Variants in THSD7A observed in about 807,000 individuals in gnomAD.
The protein encoded by THSD7A is thrombospondin type-1 domain-containing protein 7A.
THSD7A carries 96 observed loss-of-function variants against 231.3 expected under a neutral mutation model. The ratio of observed to expected loss-of-function variants is 0.41; its 90% CI spans 0.35 to 0.49. The LOEUF is 0.49. THSD7A is among the 20% of genes least tolerant of loss of function. The probability of loss-of-function intolerance (pLI) is 0.05; values close to 1 mark genes in which losing one functional copy is unlikely to be tolerated. For missense variants in THSD7A, 2,290 were observed against 2,070.2 expected, an observed-to-expected ratio of 1.11 and a Z score of -2.06; for synonymous variants, 940 against 743.3, an observed-to-expected ratio of 1.26 and a Z score of -4.30.
At chr7:11,763,625 T>A (rs1376826346) in intron 1 of THSD7A, among the ~76,000 whole-genome samples, 1 of 152,180 alleles carries the variant, frequency 6.6e-6, no homozygotes, top group African/African-American at 2.4e-5. Flanking sequence ...ATAAGACTTC[T>A]TAGTGTTTAT....
chr7:11,478,300 C>G (rs1429534763), intron 7 of THSD7A, among the ~76,000 whole-genome samples: 1 of 152,202 alleles, frequency 6.6e-6, no homozygotes, highest in Non-Finnish European at 1.5e-5. Flanking sequence ...TCTCTCTTGA[C>G]CCAGCTATGC....
At chr7:11,470,031 T>A in intron 8 of THSD7A, 37 bp from the exon 9 acceptor site, 1 of 1,355,544 alleles carries the variant, frequency 7.4e-7, no homozygotes, top group Non-Finnish European at 1.0e-6. Flanking sequence ...GCTTCAATAG[T>A]AAAGCAGAAA....
chr7:11,617,428 T>G (rs141361904), intron 2 of THSD7A, among the ~76,000 whole-genome samples: 1 of 152,346 alleles, frequency 6.6e-6, no homozygotes, highest in Non-Finnish European at 1.5e-5. Context: ...TTTGTATGTA[T>G]GTATGTATGA....
chr7:11,440,862 G>A (rs992634540), intron 13 of THSD7A, among the ~76,000 whole-genome samples: 4 of 152,062 alleles, frequency 2.6e-5, no homozygotes, highest in African/African-American at 9.7e-5. Context: ...AGCAGTAGTA[G>A]GGTTTGAGAG....
At chr7:11,537,345 T>C (rs1788954611) in intron 6 of THSD7A, among the ~76,000 whole-genome samples, 1 of 152,222 alleles carries the variant, frequency 6.6e-6, no homozygotes, top group Non-Finnish European at 1.5e-5. Flanking sequence ...TATTGAAATG[T>C]AATCCCCACT....
At chr7:11,707,871 C>A (rs1035469448) in intron 1 of THSD7A, among the ~76,000 whole-genome samples, 95 of 150,806 alleles carry the variant, frequency 6.3e-4, no homozygotes, top group African/African-American at 2.2e-3. Flanking sequence ...TCTATCTTTT[C>A]TACTTTCTTT....
intron 1 of THSD7A, chr7:11,820,842 T>C: frequency 1.0e-6 from 1 of 964,844 alleles, no homozygotes; most frequent in South Asian, 1.3e-5. Context: ...TTTGATCCTT[T>C]ATAAGTTTTC....
intron 1 of THSD7A, among the ~76,000 whole-genome samples, chr7:11,695,072 A>C (rs1265349651): frequency 6.6e-6 from 1 of 151,522 alleles, no homozygotes; most frequent in Non-Finnish European, 1.5e-5. Flanking sequence ...AGACCCAGTA[A>C]AGTGAGTAAA....
At chr7:11,598,588 T>G (rs1369616866) in intron 2 of THSD7A, among the ~76,000 whole-genome samples, 1 of 152,194 alleles carries the variant, frequency 6.6e-6, no homozygotes, top group Non-Finnish European at 1.5e-5. Context: ...AATGGCCTTT[T>G]GAAGTCACAA....
chr7:11,579,992 AG>A (rs2128337411), intron 4 of THSD7A, among the ~76,000 whole-genome samples: 1 of 152,292 alleles, frequency 6.6e-6, no homozygotes, highest in East Asian at 1.9e-4. Context: ...GGCCCTTCTA[AG>A]GCCCTGGCAG....
intron 1 of THSD7A, among the ~76,000 whole-genome samples, chr7:11,758,459 G>T (rs2128167179): frequency 6.6e-6 from 1 of 152,146 alleles, no homozygotes; most frequent in Middle Eastern, 3.4e-3. Context: ...ATCTGCATTT[G>T]CCAGAGGTAT....
At chr7:11,404,427 C>T (rs1264863232) in intron 22 of THSD7A, among the ~76,000 whole-genome samples, 2 of 152,186 alleles carry the variant, frequency 1.3e-5, no homozygotes, top group Non-Finnish European at 2.9e-5. Flanking sequence ...ATTACTGGTG[C>T]TGGAGATTTG....
chr7:11,515,319 C>T (rs184114065), intron 6 of THSD7A, among the ~76,000 whole-genome samples: 4 of 152,230 alleles, frequency 2.6e-5, no homozygotes, highest in Admixed American at 2.6e-4. Flanking sequence ...TGCTATGGAA[C>T]AACTGTAAGA....
intron 11 of THSD7A, among the ~76,000 whole-genome samples, chr7:11,450,112 G>A (rs536671572): frequency 6.6e-6 from 1 of 151,952 alleles, no homozygotes; most frequent in Non-Finnish European, 1.5e-5. Flanking sequence ...CTCTCTTAAG[G>A]GTCTTTCTTA....
intron 6 of THSD7A, among the ~76,000 whole-genome samples, chr7:11,507,826 T>C (rs1787618019): frequency 6.6e-6 from 1 of 152,166 alleles, no homozygotes; most frequent in African/African-American, 2.4e-5. Flanking sequence ...ATACATCTGA[T>C]AAAAGCTTAA....
chr7:11,714,907 G>A (rs1781085287), intron 1 of THSD7A, among the ~76,000 whole-genome samples: 1 of 151,320 alleles, frequency 6.6e-6, no homozygotes, highest in African/African-American at 2.4e-5. Context: ...GGTTAGCTGA[G>A]TAAATCCAGG....
At chr7:11,554,205 G>C (rs923369759) in intron 4 of THSD7A, among the ~76,000 whole-genome samples, 2 of 151,984 alleles carry the variant, frequency 1.3e-5, no homozygotes, top group African/African-American at 4.8e-5. Context: ...TAAGGCCTTT[G>C]CAAACGTAAT....
chr7:11,724,925 CTCTTCTTCTTCT>C (rs373126536), intron 1 of THSD7A, among the ~76,000 whole-genome samples: 2 of 151,250 alleles, frequency 1.3e-5, no homozygotes, highest in African/African-American at 2.4e-5. Context: ...CTAACCTCAT[CTCTTCTTCTTCT>C]TCTTCTTCTT....
intron 4 of THSD7A, among the ~76,000 whole-genome samples, chr7:11,578,951 A>C (rs1016101362): frequency 3.9e-5 from 6 of 152,198 alleles, no homozygotes; most frequent in Admixed American, 3.9e-4. Context: ...AGTGCATATA[A>C]TTACAAGAAT....
Sources: allele counts gnomAD v4.1 joint callset (sites outside exome capture counted in the v4.1 genomes callset), GRCh38; gene constraint gnomAD v4.1.1; transcripts MANE v1.5; gene names NCBI Gene and HGNC (gene_info 2026-07-23, HGNC 2026-07-21).